SCLT1: variants seen among roughly 807,000 people sequenced by gnomAD.
SCLT1 encodes the protein sodium channel-associated protein 1.
Under a neutral mutation model 112.8 loss-of-function variants are expected in SCLT1, and 78 were observed. That is an observed-to-expected ratio of 0.69 (90% CI 0.58 to 0.83). The LOEUF is 0.83. SCLT1 is among the 40% of genes least tolerant of loss of function. SCLT1 has a pLI of 0.00. For synonymous variants in SCLT1, 257 were observed against 254.7 expected (o/e 1.01, Z -0.09); for missense variants, 747 against 770.4 (o/e 0.97, Z 0.36).
At chr4:129,025,125 G>T (rs1314662268) in intron 5 of SCLT1, among the ~76,000 whole-genome samples, 1 of 152,282 alleles carries the variant, frequency 6.6e-6, no homozygotes, top group African/African-American at 2.4e-5. Context: ...AAAACACTCT[G>T]CAGGATATTA....
At chr4:128,990,216 A>G (rs1742440007) in intron 9 of SCLT1, among the ~76,000 whole-genome samples, 1 of 152,064 alleles carries the variant, frequency 6.6e-6, no homozygotes, top group Non-Finnish European at 1.5e-5. Flanking sequence ...ATATTAGGAA[A>G]CTCAATTCAA....
At chr4:129,062,556 A>G (rs1750081076) in intron 2 of SCLT1, among the ~76,000 whole-genome samples, 1 of 152,142 alleles carries the variant, frequency 6.6e-6, no homozygotes, top group Non-Finnish European at 1.5e-5. Context: ...AGAACTCTTT[A>G]GCATCTTTTG....
At chr4:128,883,157 C>CAAAAAAAAAAAAAAAAAAA (rs34993678), downstream of SCLT1, among the ~76,000 whole-genome samples, 1 of 57,704 alleles carries the variant, frequency 1.7e-5, no homozygotes, top group Non-Finnish European at 2.8e-5. Context: ...ACAACAACAA[C>CAAAAAAAAAAAAAAAAAAA]AAAAAAAAAA....
chr4:128,943,016 G>T lies in SCLT1; in HGVS notation c.1612C>A (p.Gln538Lys), dbSNP rs767147286. ...ESLRKIALEAQKKAKVKISTM... is the reference protein window; with the variant it reads ...ESLRKIALEAKKKAKVKISTM... ...AATACCTTTACTTTGGCTTTTTTTT[G>T]AGCCTCCAGGGCAATCTTCCTTAAA... Residue 538 changes from glutamine (Q) to lysine (K), a missense_variant, in exon 17 of 21, where the codon CAA becomes AAA. Coordinates refer to ENST00000281142, the MANE Select transcript of SCLT1 (RefSeq NM_144643.4). 1.9e-6 allele frequency: 3 copies of T among 1,593,352 alleles called. No individual in the cohort carries two copies. Among genetic ancestry groups the T allele is most frequent in the African/African-American group, 2.7e-5 (2 of 72,836 alleles).
chr4:128,921,294 C>A (rs318554), intron 18 of SCLT1, among the ~76,000 whole-genome samples: 110,613 of 152,010 alleles, frequency 0.73, 40,552 homozygotes, highest in African/African-American at 0.82. Context: ...AGAATTAGAC[C>A]AAAAAAACTA....
rs1464033314 is a variant in SCLT1 at position 129,043,443 on chromosome 4, C to T, written c.186G>A (p.Glu62=). Residue 62 remains glutamate (E), a synonymous_variant, in exon 4 of 21, where the codon GAG becomes GAA. Coordinates refer to ENST00000281142, the MANE Select transcript of SCLT1 (RefSeq NM_144643.4). ...TTAGTTCTCCTAGGTGTTTATCATA[C>T]TCAGTAACAAGAGGAGCTAAAAAGC... ...DQSFLAPLVT[E]YDKHLGELNG... 3 of 1,542,658 alleles carry T rather than the reference C, an allele frequency of 1.9e-6. No individual in the cohort carries two copies. The African/African-American group carries it at 4.1e-5, about 21-fold the overall frequency.
At chr4:129,040,047 T>A in intron 4 of SCLT1, 1 of 623,488 alleles carries the variant, frequency 1.6e-6, no homozygotes, top group East Asian at 2.7e-5. Context: ...AAGCTTATCC[T>A]GGAGTACACT....
Position 129,093,281 on chromosome 4 carries a change from G to A in SCLT1, c.-178C>T, listed in dbSNP as rs1462495191. ...CAGCCCCGCCACGCTTCTTTCCCCC[G>A]CGCCCCAGACGAGTCCCTGGCCCTG... On this transcript the variant is annotated 5_prime_UTR_variant, in exon 1 of 21. Coordinates refer to ENST00000281142, the MANE Select transcript of SCLT1 (RefSeq NM_144643.4). 7.9e-6 allele frequency: 5 copies of A among 630,954 alleles called. No homozygotes were observed. Among genetic ancestry groups the A allele is most frequent in the Non-Finnish European group, 1.4e-5 (5 of 352,082 alleles). The allele number at this position is 630,954 out of a possible 1,614,324, so 39.1% of individuals were successfully genotyped here.
At chr4:128,964,990 T>C (rs1397281764) in intron 11 of SCLT1, among the ~76,000 whole-genome samples, 1 of 152,222 alleles carries the variant, frequency 6.6e-6, no homozygotes, top group Non-Finnish European at 1.5e-5. Flanking sequence ...ATGTACTTAG[T>C]AAAGGTTCTA....
intron 18 of SCLT1, among the ~76,000 whole-genome samples, chr4:128,904,619 T>C (rs541412898): frequency 6.6e-6 from 1 of 152,250 alleles, no homozygotes; most frequent in African/African-American, 2.4e-5. Flanking sequence ...CAAAATGTTT[T>C]CTCAACTAAA....
intron 2 of SCLT1, among the ~76,000 whole-genome samples, chr4:129,047,916 C>T (rs60617520): frequency 0.014 from 2,188 of 152,138 alleles, 47 homozygotes; most frequent in African/African-American, 0.044. Flanking sequence ...TTCAAATACT[C>T]TCTCCCATTT....
chr4:129,000,203 C>A (rs1218062734), intron 6 of SCLT1, among the ~76,000 whole-genome samples: 1 of 151,726 alleles, frequency 6.6e-6, no homozygotes, highest in Non-Finnish European at 1.5e-5. Context: ...TAGGAAAATA[C>A]AGAGAAAAAC....
At chr4:129,082,051 G>T (rs1045759008) in intron 2 of SCLT1, among the ~76,000 whole-genome samples, 1 of 152,168 alleles carries the variant, frequency 6.6e-6, no homozygotes, top group Non-Finnish European at 1.5e-5. Flanking sequence ...GGTATATTGA[G>T]AAACAATTTT....
intron 5 of SCLT1, among the ~76,000 whole-genome samples, chr4:129,023,798 G>C (rs1370342886): frequency 2.0e-5 from 3 of 152,224 alleles, no homozygotes; most frequent in Non-Finnish European, 4.4e-5. Flanking sequence ...AGAAAGGGGT[G>C]ACAGACTGCA....
chr4:129,057,485 T>C lies in SCLT1; in HGVS notation c.103-13434A>G, dbSNP rs192187641. ...ACAGGCGTGCGCCATCATGCCCAGC[T>C]AATAAGAATTAATATTATTCTTTAA... On this transcript the variant is annotated intron_variant, in intron 2 of 20. Coordinates refer to ENST00000281142, the MANE Select transcript of SCLT1 (RefSeq NM_144643.4). 7.9e-3 allele frequency among the ~76,000 whole-genome samples: 1,183 copies of C among 150,172 alleles called. 6 individuals carry two copies. The highest frequency in any genetic ancestry group is 0.013 in the Non-Finnish European group (849 of 67,598).
intron 18 of SCLT1, among the ~76,000 whole-genome samples, chr4:128,904,209 A>C (rs1734526619): frequency 6.6e-6 from 1 of 152,130 alleles, no homozygotes; most frequent in African/African-American, 2.4e-5. Flanking sequence ...ACTATCTTCC[A>C]CTAATTTTAA....
chr4:129,012,441 C>T (rs867786515), intron 5 of SCLT1, among the ~76,000 whole-genome samples: 30 of 152,158 alleles, frequency 2.0e-4, no homozygotes, highest in Admixed American at 8.5e-4. Context: ...CTTCTGATTA[C>T]GTGATTGATT....
intron 18 of SCLT1, 29 bp from the exon 19 acceptor site, chr4:128,891,166 T>C (rs1281373635): frequency 2.0e-6 from 3 of 1,507,086 alleles, no homozygotes; most frequent in Non-Finnish European, 2.8e-6. Context: ...AATCCATTAA[T>C]ATAATTGTTC....
rs767140889 is a variant in SCLT1, at chr4:129,082,328, A to G, written c.80T>C (p.Phe27Ser). 3 of 1,585,564 alleles carry G rather than the reference A, an allele frequency of 1.9e-6. No individual in the cohort carries two copies. In the South Asian group the frequency reaches 3.4e-5, roughly 18 times the overall value. The change falls in exon 2 of 21, where the codon TTT becomes TCT. Residue 27 changes from phenylalanine (F) to serine (S), a missense_variant. Physicochemically the swap from Phe to Ser is radical, Grantham distance 155. Around this residue, in one of 2 missense-constraint regions of SCLT1, gnomAD observed 723 missense variants for 721.3 expected, o/e 1.00. Coordinates refer to ENST00000281142, the MANE Select transcript of SCLT1 (RefSeq NM_144643.4). ...TACCTGTACAGATGAATATTTGGAA[A>G]AACTTTCCATTTGATACCGCCTAAA... ...EDFRRYQMES[F>S]SKYSSVQKAV...
Sources: gnomAD v4.1 joint callset for allele counts (sites outside exome capture counted in the v4.1 genomes callset) on GRCh38, gnomAD v4.1.1 for gene constraint, gnomAD v4.1.1 regional missense constraint, MANE v1.5 for transcripts, NCBI Gene and HGNC (gene_info 2026-07-23, HGNC 2026-07-21) for gene names.